APELA: variants seen among roughly 807,000 people sequenced by gnomAD.
APELA encodes apelin receptor early endogenous ligand, also known as protein Elabela.
chr4:164,879,279 A>G, intron 2 of APELA: 1 of 295,802 alleles, frequency 3.4e-6, no homozygotes, highest in East Asian at 5.5e-5. Flanking sequence ...TTTGGGGGCT[A>G]ATATTATTGC....
At position 164,892,111 on chromosome 4, in the gene APELA, G is replaced by C. The variant is rs890122411; in HGVS notation, c.*2-3305G>C. ...AGATTGCTTGAGTCAGGGAGTTTGA[G>C]GCCAGCCTGGGCAATATAGCAAAAC... is the stretch of plus-strand genomic sequence containing the variant. On this transcript the variant is annotated intron_variant, in intron 2 of 2. Coordinates refer to ENST00000507152, the MANE Select transcript of APELA (RefSeq NM_001297550.2). Among the ~76,000 whole-genome samples the C allele has an allele frequency of 2.0e-5, 3 of 152,082 alleles. 1 individual carries two copies. The highest frequency in any genetic ancestry group is 6.6e-5 in the Admixed American group (1 of 15,258).
At chr4:164,892,598 CTT>C (rs1159491439) in intron 2 of APELA, among the ~76,000 whole-genome samples, 2 of 152,066 alleles carry the variant, frequency 1.3e-5, no homozygotes, top group African/African-American at 4.8e-5. Flanking sequence ...CTTATGATGT[CTT>C]TTTCTGATTT....
chr4:164,891,923 A>G (rs1312616060), intron 2 of APELA, among the ~76,000 whole-genome samples: 1 of 152,130 alleles, frequency 6.6e-6, no homozygotes, highest in East Asian at 1.9e-4. Context: ...CCTTTATCAG[A>G]TTGAGAAAGT....
intron 1 of APELA, among the ~76,000 whole-genome samples, chr4:164,877,843 C>T (rs1730583209): frequency 6.6e-6 from 1 of 152,030 alleles, no homozygotes; most frequent in South Asian, 2.1e-4. Flanking sequence ...AAGCATAATG[C>T]AACAAAATGC....
At chr4:164,885,110 T>G (rs1397329111) in intron 2 of APELA, among the ~76,000 whole-genome samples, 1 of 152,120 alleles carries the variant, frequency 6.6e-6, no homozygotes, top group East Asian at 1.9e-4. Context: ...AAAAAGTGCC[T>G]AAGTGTTTTT....
chr4:164,878,339 G>A (rs1730597932), intron 1 of APELA, among the ~76,000 whole-genome samples: 3 of 152,140 alleles, frequency 2.0e-5, no homozygotes, highest in Non-Finnish European at 2.9e-5. Context: ...AGTTAGAACA[G>A]AAAACGATGC....
intron 2 of APELA, among the ~76,000 whole-genome samples, chr4:164,882,905 C>T (rs1730689050): frequency 6.6e-6 from 1 of 152,128 alleles, no homozygotes; most frequent in Non-Finnish European, 1.5e-5. Flanking sequence ...ATCCATGTCC[C>T]TACAAAGGAC....
intron 2 of APELA, among the ~76,000 whole-genome samples, chr4:164,890,473 A>G (rs1224707196): frequency 1.3e-5 from 2 of 152,218 alleles, no homozygotes; most frequent in Non-Finnish European, 2.9e-5. Context: ...CCTATTCTAG[A>G]TATTCCATAT....
At chr4:164,885,943 C>G (rs1019938588) in intron 2 of APELA, among the ~76,000 whole-genome samples, 2 of 152,066 alleles carry the variant, frequency 1.3e-5, no homozygotes, top group Non-Finnish European at 2.9e-5. Flanking sequence ...AGTCCAAACT[C>G]TCTCCCTCCT....
chr4:164,894,777 T>G (rs1241103741), intron 2 of APELA, among the ~76,000 whole-genome samples: 2 of 152,218 alleles, frequency 1.3e-5, no homozygotes. Context: ...GCTGAAGCCT[T>G]CCTCTCACCT....
chr4:164,890,420 G>T (rs1730857279), intron 2 of APELA, among the ~76,000 whole-genome samples: 1 of 152,104 alleles, frequency 6.6e-6, no homozygotes, highest in Non-Finnish European at 1.5e-5. Flanking sequence ...CAGCTGTTCA[G>T]TCCTGGACAG....
chr4:164,892,714 T>C (rs1730906122), intron 2 of APELA, among the ~76,000 whole-genome samples: 1 of 152,218 alleles, frequency 6.6e-6, no homozygotes, highest in African/African-American at 2.4e-5. Context: ...AATTCATTTA[T>C]AGGATTCACC....
At chr4:164,885,752 GATGAA>G (rs908530770) in intron 2 of APELA, among the ~76,000 whole-genome samples, 9 of 151,440 alleles carry the variant, frequency 5.9e-5, no homozygotes, top group African/African-American at 2.2e-4. Flanking sequence ...AAAAAAAAAA[GATGAA>G]ATGAAATGAA....
At chr4:164,894,510 A>G (rs919708556) in intron 2 of APELA, among the ~76,000 whole-genome samples, 1 of 151,810 alleles carries the variant, frequency 6.6e-6, no homozygotes, top group Non-Finnish European at 1.5e-5. Context: ...TCTTTCTTCC[A>G]GGTTCAAGCA....
intron 2 of APELA, among the ~76,000 whole-genome samples, chr4:164,881,898 G>A (rs1319003279): frequency 6.6e-6 from 1 of 150,674 alleles, no homozygotes; most frequent in Non-Finnish European, 1.5e-5. Context: ...AGTTAGCCAG[G>A]CATGGTGGCG....
chr4:164,896,856 G>A lies in APELA; in HGVS notation c.*1442G>A, dbSNP rs1267809455. 1 of 151,778 alleles carries A rather than the reference G, an allele frequency of 6.6e-6. No individual in the cohort carries two copies. Among genetic ancestry groups the A allele is most frequent in the African/African-American group, 2.4e-5 (1 of 41,286 alleles). 9.4% of individuals were successfully genotyped at this position (151,778 alleles called of 1,614,324 possible). Reference sequence around the variant, plus strand: ...GGCTAAAGTGCAGTGGCATGATCTAGGCTAACTCCCTGGCTCAAGCGATCC... The same window carrying A: ...GGCTAAAGTGCAGTGGCATGATCTAAGCTAACTCCCTGGCTCAAGCGATCC... On this transcript the variant is annotated 3_prime_UTR_variant, in exon 3 of 3. Coordinates refer to ENST00000507152, the MANE Select transcript of APELA (RefSeq NM_001297550.2).
intron 2 of APELA, among the ~76,000 whole-genome samples, chr4:164,888,372 T>C (rs1730818448): frequency 6.6e-6 from 1 of 152,198 alleles, no homozygotes. Context: ...TGGAGATTGT[T>C]GGCATGGGAA....
At chr4:164,883,679 G>T (rs896214229) in intron 2 of APELA, among the ~76,000 whole-genome samples, 1 of 151,642 alleles carries the variant, frequency 6.6e-6, no homozygotes, top group Admixed American at 6.6e-5. Context: ...TAGAGACAGG[G>T]TCTAACTTTG....
chr4:164,884,149 A>AG (rs1730721591), intron 2 of APELA, among the ~76,000 whole-genome samples: 1 of 149,768 alleles, frequency 6.7e-6, no homozygotes, highest in African/African-American at 2.5e-5. Flanking sequence ...GAAAGAAAGA[A>AG]AGAAAGAAAG....
Sources: gnomAD v4.1 joint callset for allele counts (sites outside exome capture counted in the v4.1 genomes callset) on GRCh38, gnomAD v4.1.1 for gene constraint, MANE v1.5 for transcripts, NCBI Gene and HGNC (gene_info 2026-07-23, HGNC 2026-07-21) for gene names.